The following ZNF438 variants were observed in gnomAD, a reference collection of about 807,000 sequenced individuals.
The protein encoded by ZNF438 is zinc finger protein 438.
ZNF438 carries 25 observed loss-of-function variants against 38.0 expected under a neutral mutation model. That is an observed-to-expected ratio of 0.66 (90% confidence interval 0.48 to 0.92). The LOEUF is 0.92. Ranked by LOEUF, ZNF438 falls within the 40% of genes least tolerant of loss-of-function variation. The pLI is 0.00. For missense variants in ZNF438, 1,007 were observed against 999.6 expected, an observed-to-expected ratio of 1.01 and a Z score of -0.10; for synonymous variants, 372 against 364.1, an observed-to-expected ratio of 1.02 and a Z score of -0.25.
exon 5 of ZNF438, chr10:30,849,800 T>G: frequency 6.2e-7 from 1 of 1,614,078 alleles, no homozygotes; most frequent in Non-Finnish European, 8.5e-7. Flanking sequence ...TGGTCTCAAG[T>G]CCCCATGGTC....
chr10:31,026,863 T>C (rs1206369458), intron 1 of ZNF438, among the ~76,000 whole-genome samples: 8 of 152,126 alleles, frequency 5.3e-5, no homozygotes, highest in Admixed American at 4.6e-4. Flanking sequence ...AATGATAGAC[T>C]GGATTAAGAA....
chr10:30,972,136 A>ATT (rs60219397), intron 1 of ZNF438, among the ~76,000 whole-genome samples: 1 of 151,484 alleles, frequency 6.6e-6, no homozygotes, highest in South Asian at 2.1e-4. Context: ...CGCCTGGCTA[A>ATT]TTTTTTGTAT....
At chr10:30,949,031 A>C (rs1412662727) in intron 1 of ZNF438, among the ~76,000 whole-genome samples, 1 of 152,152 alleles carries the variant, frequency 6.6e-6, no homozygotes, top group Non-Finnish European at 1.5e-5. Flanking sequence ...AGGGAAGCCC[A>C]TCAGACTAAC....
intron 1 of ZNF438, among the ~76,000 whole-genome samples, chr10:30,951,435 A>G (rs1321660502): frequency 2.0e-5 from 3 of 152,070 alleles, no homozygotes; most frequent in Non-Finnish European, 4.4e-5. Flanking sequence ...AGGGTATTCA[A>G]TTAGGAAAAG....
At chr10:30,887,331 T>C (rs981350066) in intron 3 of ZNF438, among the ~76,000 whole-genome samples, 3 of 152,214 alleles carry the variant, frequency 2.0e-5, no homozygotes, top group Non-Finnish European at 4.4e-5. Flanking sequence ...CCCTGTGGCT[T>C]TGAATGGTAT....
chr10:30,955,283 T>C (rs990780576), intron 1 of ZNF438, among the ~76,000 whole-genome samples: 2 of 152,224 alleles, frequency 1.3e-5, no homozygotes, highest in African/African-American at 2.4e-5. Context: ...TGTGACCAGA[T>C]AGTGGACTGT....
intron 4 of ZNF438, among the ~76,000 whole-genome samples, chr10:30,853,151 G>A (rs1163884934): frequency 6.6e-6 from 1 of 152,162 alleles, no homozygotes; most frequent in Non-Finnish European, 1.5e-5. Context: ...CTGGGGTGTG[G>A]AAGGAAGAGA....
chr10:30,854,465 T>C (rs2034267311), intron 4 of ZNF438, among the ~76,000 whole-genome samples: 1 of 152,098 alleles, frequency 6.6e-6, no homozygotes, highest in African/African-American at 2.4e-5. Context: ...TTTAAAGTGG[T>C]AATAGAGTGA....
At chr10:31,013,447 C>A (rs1036629270) in intron 1 of ZNF438, among the ~76,000 whole-genome samples, 12 of 152,200 alleles carry the variant, frequency 7.9e-5, no homozygotes, top group Non-Finnish European at 1.5e-4. Context: ...AGATTCAATT[C>A]CAAACGTCCA....
chr10:30,923,170 T>G (rs943259834), intron 2 of ZNF438: 4 of 152,222 alleles, frequency 2.6e-5, no homozygotes, highest in Non-Finnish European at 5.9e-5. Flanking sequence ...GGCATGTAAC[T>G]CAGCAGGATG....
chr10:30,994,966 T>C (rs1177997609), intron 1 of ZNF438, among the ~76,000 whole-genome samples: 2 of 150,602 alleles, frequency 1.3e-5, no homozygotes, highest in Non-Finnish European at 2.9e-5. Flanking sequence ...TGCAGTGAGG[T>C]AGAGCCTGCA....
chr10:31,022,614 G>A (rs1310165274), intron 1 of ZNF438, among the ~76,000 whole-genome samples: 1 of 152,142 alleles, frequency 6.6e-6, no homozygotes, highest in East Asian at 1.9e-4. Context: ...AGTACACTCA[G>A]CAAATCAATG....
chr10:30,849,475 T>C (rs2132727039), exon 5 of ZNF438: 1 of 1,614,236 alleles, frequency 6.2e-7, no homozygotes, highest in South Asian at 1.1e-5. Context: ...TGTTAGCATC[T>C]GATTTGATTT....
intron 1 of ZNF438, among the ~76,000 whole-genome samples, chr10:30,949,004 G>C (rs1377306498): frequency 6.6e-6 from 1 of 152,166 alleles, no homozygotes; most frequent in Non-Finnish European, 1.5e-5. Context: ...CAGAGAGAAA[G>C]GTCGGGTTAC....
exon 6 of ZNF438, chr10:30,845,352 G>A: frequency 2.5e-6 from 4 of 1,614,098 alleles, no homozygotes; most frequent in Non-Finnish European, 3.4e-6. Flanking sequence ...TTTCCAGTCG[G>A]GGCTAGCGTG....
intron 3 of ZNF438, among the ~76,000 whole-genome samples, chr10:30,893,979 A>T (rs7084305): frequency 6.6e-6 from 1 of 151,960 alleles, no homozygotes; most frequent in Non-Finnish European, 1.5e-5. Context: ...TTGTTAATGA[A>T]TAAAACCACT....
intron 1 of ZNF438, among the ~76,000 whole-genome samples, chr10:31,027,437 T>C (rs554144043): frequency 3.9e-5 from 6 of 152,068 alleles, no homozygotes; most frequent in Non-Finnish European, 8.8e-5. Context: ...ATGTTATATT[T>C]CGCATGGTCA....
At chr10:30,859,580 CAT>C (rs2133101399) in intron 4 of ZNF438, among the ~76,000 whole-genome samples, 1 of 152,304 alleles carries the variant, frequency 6.6e-6, no homozygotes, top group South Asian at 2.1e-4. Flanking sequence ...CTGGCTCTGT[CAT>C]GTACCTGTGG....
chr10:30,940,819 G>T (rs1210941811), intron 2 of ZNF438, among the ~76,000 whole-genome samples: 7 of 152,106 alleles, frequency 4.6e-5, no homozygotes, highest in Non-Finnish European at 1.0e-4. Flanking sequence ...TACACAAACA[G>T]TTAATAAACA....
Sources: allele counts gnomAD v4.1 joint callset (sites outside exome capture counted in the v4.1 genomes callset), GRCh38; gene constraint gnomAD v4.1.1; transcripts MANE v1.5; gene names NCBI Gene and HGNC (gene_info 2026-07-23, HGNC 2026-07-21).